The following EPG5 variants were observed in gnomAD, a reference collection of about 807,000 sequenced individuals.
EPG5 encodes the protein ectopic P-granules 5 autophagy tethering factor.
A neutral mutation model predicts 302.7 loss-of-function variants in EPG5; 159 were observed. The ratio of observed to expected loss-of-function variants is 0.53; its 90% CI spans 0.46 to 0.60. The LOEUF is 0.60. Ranked by LOEUF, EPG5 falls within the 20% of genes least tolerant of loss-of-function variation. The probability of loss-of-function intolerance (pLI) is 0.00; values close to 1 mark genes in which losing one functional copy is unlikely to be tolerated. For synonymous variants in EPG5, 1,158 were observed against 1,136.8 expected (o/e 1.02, Z -0.37); for missense variants, 2,896 against 3,092.4 (o/e 0.94, Z 1.51).
At chr18:45,837,263 A>C in the EPG5 span, among the ~76,000 whole-genome samples, 2 of 152,218 alleles carry the variant, frequency 1.3e-5, no homozygotes, top group African/African-American at 2.4e-5. Context: ...GTCCCAGGGA[A>C]GAGCCGCGGG....
At chr18:45,884,169 C>T (rs2049166540) in intron 30 of EPG5, among the ~76,000 whole-genome samples, 1 of 151,976 alleles carries the variant, frequency 6.6e-6, no homozygotes, top group Admixed American at 6.6e-5. Context: ...ATAAGACTAC[C>T]CTATACAACA....
chr18:45,931,307 G>C (rs961960780), intron 11 of EPG5, among the ~76,000 whole-genome samples: 17 of 152,170 alleles, frequency 1.1e-4, no homozygotes, highest in African/African-American at 3.9e-4. Context: ...CCAAAAAAAA[G>C]AGATTTGCTT....
At position 45,937,331 on chromosome 18, in the gene EPG5, T is replaced by C. The variant is rs192636666; in HGVS notation, c.2099+2269A>G. Among the ~76,000 whole-genome samples the C allele has an allele frequency of 1.0e-4, 15 of 149,856 alleles. No homozygotes were observed. The East Asian group carries it at 2.3e-3, about 23-fold the overall frequency. ...ATTTATATAGGTATTTATATATATA[T>C]ACACATATATATAGATATACACATA... On this transcript the variant is annotated intron_variant, in intron 10 of 43. Transcript: ENST00000282041.
At chr18:45,951,322 AC>A in intron 3 of EPG5, 84 bp from the exon 4 acceptor site, 1 of 1,000,086 alleles carries the variant, frequency 1.0e-6, no homozygotes, top group East Asian at 3.0e-5. Context: ...ACCAATAACA[AC>A]AAAAACCTTT....
At chr18:45,885,025 T>C (rs1280371437) in intron 29 of EPG5, among the ~76,000 whole-genome samples, 2 of 152,160 alleles carry the variant, frequency 1.3e-5, no homozygotes, top group African/African-American at 4.8e-5. Flanking sequence ...ATAAATCTGA[T>C]TTGGACAAGT....
In EPG5 at chr18:45,851,648, C is replaced by T. The variant is rs1308369927; in HGVS notation, c.*819G>A. 6.6e-6 allele frequency: 1 copy of T among 152,172 alleles called. No individual in the cohort carries two copies. Among genetic ancestry groups the T allele is most frequent in the African/African-American group, 2.4e-5 (1 of 41,414 alleles). The allele number at this position is 152,172 out of a possible 1,614,324, so 9.4% of individuals were successfully genotyped here. On this transcript the variant is annotated 3_prime_UTR_variant, in exon 44 of 44. Coordinates refer to ENST00000282041, the MANE Select transcript of EPG5 (RefSeq NM_020964.3). ...GTGCAAACTTAGGTGTCGACAGGGG[C>T]AAGTGATGTGAATGAGGCTAGGGTC...
chr18:45,916,246 C>T, intron 18 of EPG5, 40 bp from the exon 19 acceptor site: 1 of 1,571,236 alleles, frequency 6.4e-7, no homozygotes, highest in Non-Finnish European at 8.6e-7. Context: ...AGATAACAAC[C>T]AGCCTCTCAT....
intron 22 of EPG5, 60 bp downstream of exon 22, chr18:45,912,230 A>C: frequency 4.9e-6 from 7 of 1,415,478 alleles, no homozygotes; most frequent in Non-Finnish European, 6.6e-6. Flanking sequence ...AACACATAGA[A>C]TGAGAGCAGT....
At chr18:45,904,877 T>G (rs1325196877) in intron 24 of EPG5, among the ~76,000 whole-genome samples, 1 of 152,188 alleles carries the variant, frequency 6.6e-6, no homozygotes, top group Non-Finnish European at 1.5e-5. Context: ...TTTTAAAATC[T>G]TCATGCATCA....
Position 45,865,651 on chromosome 18 carries a change from T to C in EPG5, c.6730A>G (p.Lys2244Glu), listed in dbSNP as rs560080785. 2.7e-4 allele frequency: 430 copies of C among 1,614,060 alleles called. 3 individuals carry two copies. The South Asian group carries it at 4.5e-3, about 17-fold the overall frequency. ...TLAVLEQEMS[K>E]LLDDIIVFNP... ...AAGACAATGATATCGTCTAAGAGCT[T>C]AGACATTTCCTGTTCTAGGACTGCT... The change falls in exon 39 of 44, where the codon AAG becomes GAG. Residue 2244 changes from lysine to glutamate, a missense_variant. Physicochemically the swap from Lys to Glu is moderately conservative, Grantham distance 56. Around this residue, in one of 5 missense-constraint regions of EPG5, gnomAD observed 620 missense variants for 704.2 expected, o/e 0.88. Coordinates refer to ENST00000282041, the MANE Select transcript of EPG5 (RefSeq NM_020964.3).
chr18:45,919,504 T>TAC (rs1398661727), intron 16 of EPG5, among the ~76,000 whole-genome samples: 4 of 151,414 alleles, frequency 2.6e-5, no homozygotes, highest in African/African-American at 9.7e-5. Context: ...CTAGGCATGT[T>TAC]ACATGTGTGG....
At chr18:45,861,154 A>G (rs1330676630) in intron 39 of EPG5, among the ~76,000 whole-genome samples, 1 of 152,246 alleles carries the variant, frequency 6.6e-6, no homozygotes, top group Non-Finnish European at 1.5e-5. Context: ...CGCATCTATC[A>G]AAACAAATTC....
At chr18:45,880,528 C>A (rs1599480050) in intron 31 of EPG5, among the ~76,000 whole-genome samples, 2 of 152,222 alleles carry the variant, frequency 1.3e-5, no homozygotes, top group Non-Finnish European at 2.9e-5. Flanking sequence ...GGAATGGTGG[C>A]AGTGCCTCTC....
intron 22 of EPG5, among the ~76,000 whole-genome samples, chr18:45,911,074 TCTATAC>T (rs1478751929): frequency 9.6e-4 from 122 of 126,832 alleles, no homozygotes; most frequent in African/African-American, 3.1e-3. Context: ...TATCTATCTA[TCTATAC>T]ACACACACAC....
the EPG5 span, chr18:45,837,532 G>C: frequency 8.6e-6 from 13 of 1,517,530 alleles, no homozygotes; most frequent in Non-Finnish European, 1.1e-5. Flanking sequence ...CGCAGCGCTG[G>C]TCCATGCAGG....
Position 45,878,369 on chromosome 18 carries a change from T to G in EPG5, c.5942+7A>C. On this transcript the variant is annotated splice_region_variant and intron_variant, in intron 34 of 43. Coordinates refer to ENST00000282041, the MANE Select transcript of EPG5 (RefSeq NM_020964.3). ...AAAGGAATTTGAATATCTAAAAAAC[T>G]GTTTACCTTTCGTTGTCCTCTAAAA... The G allele has an allele frequency of 6.3e-7, 1 of 1,583,928 alleles. No homozygotes were observed. Among genetic ancestry groups the G allele is most frequent in the Non-Finnish European group, 8.7e-7 (1 of 1,153,438 alleles).
intron 22 of EPG5, among the ~76,000 whole-genome samples, chr18:45,911,791 G>A (rs1232195517): frequency 6.6e-6 from 1 of 152,212 alleles, no homozygotes; most frequent in Non-Finnish European, 1.5e-5. Flanking sequence ...TGAGGCAGGA[G>A]CTAGAGAGCA....
At chr18:45,957,321 G>A (rs1165443297) in intron 1 of EPG5, among the ~76,000 whole-genome samples, 2 of 152,154 alleles carry the variant, frequency 1.3e-5, no homozygotes, top group East Asian at 3.8e-4. Context: ...ACTCCCCACT[G>A]TGAACTGTGG....
intron 27 of EPG5, 68 bp from the exon 28 acceptor site, chr18:45,890,008 C>A: frequency 7.4e-7 from 1 of 1,354,026 alleles, no homozygotes; most frequent in South Asian, 1.5e-5. Flanking sequence ...AAGACTCAAA[C>A]TGAAATAAAA....
Sources: allele counts gnomAD v4.1 joint callset (sites outside exome capture counted in the v4.1 genomes callset), GRCh38; gene constraint gnomAD v4.1.1; regional missense constraint gnomAD v4.1.1; transcripts MANE v1.5; gene names NCBI Gene and HGNC (gene_info 2026-07-23, HGNC 2026-07-21).